The following ELL2 variants were observed in gnomAD, a reference collection of about 807,000 sequenced individuals.
ELL2 encodes elongation factor for RNA polymerase II 2.
In ELL2, 21 loss-of-function variants were observed where a neutral mutation model predicts 72.8. The observed-to-expected ratio is 0.29, with a 90% CI of 0.20 to 0.42. The LOEUF (loss-of-function observed/expected upper bound fraction) is 0.42, where lower values mean the gene tolerates loss of function less well. Ranked by LOEUF, ELL2 falls within the 10% of genes least tolerant of loss-of-function variation. ELL2 has a pLI of 1.00. For synonymous variants in ELL2, 266 were observed against 283.2 expected, an observed-to-expected ratio of 0.94 and a Z score of 0.61; for missense variants, 568 against 772.8, an observed-to-expected ratio of 0.73 and a Z score of 3.14.
intron 1 of ELL2, among the ~76,000 whole-genome samples, chr5:95,958,383 C>T (rs946320006): frequency 2.6e-5 from 4 of 152,192 alleles, no homozygotes; most frequent in South Asian, 2.1e-4. Flanking sequence ...TCTTACTGTG[C>T]CCATAGAGGT....
chr5:95,889,625 T>C (rs1377573408), intron 10 of ELL2, among the ~76,000 whole-genome samples: 1 of 152,192 alleles, frequency 6.6e-6, no homozygotes, highest in Non-Finnish European at 1.5e-5. Flanking sequence ...ACTTGTAAGA[T>C]GCTCATTTCT....
In ELL2 at chr5:95,900,704, A is replaced by C; in HGVS notation, c.943T>G (p.Ser315Ala). The C allele has an allele frequency of 6.3e-7, 1 of 1,597,390 alleles. No homozygotes were observed. The highest frequency in any genetic ancestry group is 8.5e-7 in the Non-Finnish European group (1 of 1,172,438). ...SPVCSSRDAV[S>A]SPQKRLLDSE... ...TGTTTATGACATACCTGAGGAGAAG[A>C]TACAGCGTCTCTACTAGAACATACA... The change falls in exon 7 of 12, where the codon TCT (serine) becomes GCT (alanine). Residue 315 changes from serine (S) to alanine (A), a missense_variant. Coordinates refer to ENST00000237853, the MANE Select transcript of ELL2 (RefSeq NM_012081.6).
intron 5 of ELL2, among the ~76,000 whole-genome samples, chr5:95,906,000 A>T (rs1164778308): frequency 6.6e-6 from 1 of 152,206 alleles, no homozygotes; most frequent in Non-Finnish European, 1.5e-5. Flanking sequence ...CTGCTAATAC[A>T]TTACAATTTC....
intron 2 of ELL2, among the ~76,000 whole-genome samples, chr5:95,930,681 G>A (rs1010756256): frequency 6.6e-6 from 1 of 152,190 alleles, no homozygotes; most frequent in African/African-American, 2.4e-5. Context: ...ACTCAGAAAT[G>A]CTCTAGTTAA....
intron 2 of ELL2, among the ~76,000 whole-genome samples, chr5:95,935,848 G>A (rs1193708926): frequency 6.6e-6 from 1 of 152,102 alleles, no homozygotes; most frequent in Non-Finnish European, 1.5e-5. Flanking sequence ...CCATATGTAA[G>A]GAATCCCATG....
At chr5:95,940,018 G>A (rs1357649781) in intron 2 of ELL2, among the ~76,000 whole-genome samples, 1 of 152,150 alleles carries the variant, frequency 6.6e-6, no homozygotes, top group Admixed American at 6.6e-5. Flanking sequence ...ACTCTCTTCA[G>A]AATCAGCAAA....
chr5:95,958,449 G>A (rs1056118758), intron 1 of ELL2, among the ~76,000 whole-genome samples: 4 of 152,190 alleles, frequency 2.6e-5, no homozygotes, highest in Admixed American at 1.3e-4. Flanking sequence ...GGTGGGTGGA[G>A]CCTGCAGTAA....
chr5:95,961,535 T>C, intron 1 of ELL2, 40 bp downstream of exon 1: 2 of 1,515,832 alleles, frequency 1.3e-6, no homozygotes, highest in Non-Finnish European at 8.8e-7. Flanking sequence ...AGGGGTGCGC[T>C]CTGCCTCTCT....
At chr5:95,903,572 T>C (rs1460129928) in intron 5 of ELL2, among the ~76,000 whole-genome samples, 4 of 152,138 alleles carry the variant, frequency 2.6e-5, no homozygotes, top group African/African-American at 7.2e-5. Context: ...ATCCTCTATA[T>C]GTTGAAATGC....
At chr5:95,943,266 TAA>T (rs201799289) in intron 1 of ELL2, among the ~76,000 whole-genome samples, 6 of 141,328 alleles carry the variant, frequency 4.2e-5, no homozygotes, top group Non-Finnish European at 4.6e-5. Context: ...CATCTCTATT[TAA>T]AAAAAAAAAA....
At chr5:95,898,883 G>A (rs1425163985) in intron 7 of ELL2, 73 bp from the exon 8 acceptor site, 6 of 1,122,360 alleles carry the variant, frequency 5.3e-6, no homozygotes, top group African/African-American at 1.6e-5. Context: ...TGCATGGCTG[G>A]TTAAACAACT....
chr5:95,950,913 T>G (rs1435262213), intron 1 of ELL2, among the ~76,000 whole-genome samples: 2 of 48,390 alleles, frequency 4.1e-5, no homozygotes, highest in African/African-American at 2.5e-4. Flanking sequence ...TGTATATATA[T>G]ATATATATAT....
At chr5:95,917,273 T>A (rs970988820) in intron 3 of ELL2, among the ~76,000 whole-genome samples, 1 of 152,198 alleles carries the variant, frequency 6.6e-6, no homozygotes, top group African/African-American at 2.4e-5. Context: ...ATGAGAAAAG[T>A]GAGAATCAAG....
At chr5:95,915,084 T>C (rs1347958447) in intron 3 of ELL2, among the ~76,000 whole-genome samples, 1 of 152,172 alleles carries the variant, frequency 6.6e-6, no homozygotes, top group African/African-American at 2.4e-5. Flanking sequence ...AGTAACTTTG[T>C]TATAATACAA....
At chr5:95,928,337 A>G (rs1750471538) in intron 2 of ELL2, among the ~76,000 whole-genome samples, 1 of 152,210 alleles carries the variant, frequency 6.6e-6, no homozygotes, top group South Asian at 2.1e-4. Context: ...TTTGGTGGCA[A>G]AAACTAAAAC....
chr5:95,920,766 G>A (rs1294674589), intron 2 of ELL2, among the ~76,000 whole-genome samples: 1 of 152,118 alleles, frequency 6.6e-6, no homozygotes, highest in Non-Finnish European at 1.5e-5. Flanking sequence ...TTAAAAAAAA[G>A]GATTAGTTGG....
At chr5:95,910,184 G>A (rs757933983) in intron 4 of ELL2, among the ~76,000 whole-genome samples, 1 of 151,624 alleles carries the variant, frequency 6.6e-6, no homozygotes, top group Non-Finnish European at 1.5e-5. Flanking sequence ...TAATATTTGA[G>A]AAAAGTAAGA....
At chr5:95,929,993 G>A (rs577798992) in intron 2 of ELL2, among the ~76,000 whole-genome samples, 23 of 152,060 alleles carry the variant, frequency 1.5e-4, no homozygotes, top group Non-Finnish European at 2.9e-4. Context: ...AACACTCGCC[G>A]AATACTCTGG....
Position 95,927,420 on chromosome 5 carries a change from G to GAC in ELL2, c.196-7877_196-7876dup, listed in dbSNP as rs146833353. ...AGACATACACACACGTGTGTATATA[G>GAC]ACATACACACACACGTGTGTATATA... On this transcript the variant is annotated intron_variant, in intron 2 of 11. Transcript: ENST00000237853. Among the ~76,000 whole-genome samples the GAC allele has an allele frequency of 2.2e-3, 75 of 33,634 alleles. 14 individuals are homozygous for GAC. The East Asian group carries it at 0.042, about 19-fold the overall frequency. The allele number at this position is 33,634 out of a possible 152,430, so 22.1% of individuals were successfully genotyped here.
Sources: allele counts gnomAD v4.1 joint callset (sites outside exome capture counted in the v4.1 genomes callset), GRCh38; gene constraint gnomAD v4.1.1; transcripts MANE v1.5; gene names NCBI Gene and HGNC (gene_info 2026-07-23, HGNC 2026-07-21).